Variants in FBXL2 observed in about 807,000 individuals in gnomAD.
FBXL2 encodes the protein F-box/LRR-repeat protein 2.
In FBXL2, 38 loss-of-function variants were observed where a neutral mutation model predicts 69.2. The ratio of observed to expected loss-of-function variants is 0.55; its 90% CI spans 0.42 to 0.72. The LOEUF is 0.72. Ranked by LOEUF, FBXL2 falls within the 30% of genes least tolerant of loss-of-function variation. The pLI, the probability that FBXL2 is intolerant of heterozygous loss-of-function variation, is 0.00. For synonymous variants in FBXL2, 192 were observed against 201.3 expected (o/e 0.95, Z 0.39); for missense variants, 354 against 520.3 (o/e 0.68, Z 3.11).
chr3:33,330,980 T>C (rs558084825), intron 2 of FBXL2, among the ~76,000 whole-genome samples: 2 of 150,718 alleles, frequency 1.3e-5, no homozygotes, highest in East Asian at 3.9e-4. Context: ...TTCTATGTTG[T>C]ATATATATAA....
chr3:33,403,261 A>G (rs1042272828), exon 13 of FBXL2: 6 of 234,426 alleles, frequency 2.6e-5, no homozygotes, highest in Non-Finnish European at 5.1e-5. Flanking sequence ...ATCAAGATTT[A>G]AGAATGGCGA....
chr3:33,368,868 G>T (rs557934732), intron 5 of FBXL2, among the ~76,000 whole-genome samples: 184 of 152,254 alleles, frequency 1.2e-3, no homozygotes, highest in African/African-American at 4.4e-3. Flanking sequence ...TTACAGGCGT[G>T]AGCCACCGTG....
At chr3:33,377,015 CAAAAACAAAACCA>C (rs2042684823) in intron 10 of FBXL2, among the ~76,000 whole-genome samples, 2 of 148,276 alleles carry the variant, frequency 1.3e-5, no homozygotes, top group Non-Finnish European at 3.0e-5. Flanking sequence ...CAAAACAAAA[CAAAAACAAAACCA>C]AAAAACAAAT....
the FBXL2 span, chr3:33,409,157 T>C: frequency 7.3e-7 from 1 of 1,368,502 alleles, no homozygotes; most frequent in African/African-American, 1.4e-5. Flanking sequence ...CCAACCCTTT[T>C]GTAGCAGAAC....
At position 33,326,674 on chromosome 3, in the gene FBXL2, G is replaced by A. The variant is rs371071561; in HGVS notation, c.65+28949G>A. Among the ~76,000 whole-genome samples, 16 of 151,754 alleles carry A rather than the reference G, an allele frequency of 1.1e-4. No individual in the cohort carries two copies. The East Asian group carries it at 2.3e-3, about 22-fold the overall frequency. ...TAAAATAATGGTTTTTTATTCAGCC[G>A]TGCACCTTGGTATATGAGCACAGGC... On this transcript the variant is annotated intron_variant, in intron 2 of 14. Transcript: ENST00000484457.
chr3:33,292,739 A>G lies in FBXL2; in HGVS notation c.4-4925A>G, dbSNP rs9848450. ...AGACACTGGCAGAATGGATAAAAAA[A>G]AAACAAGCAAAAAACTTCCCACATG... On this transcript the variant is annotated intron_variant, in intron 1 of 14. Transcript: ENST00000484457. 4.8e-3 allele frequency among the ~76,000 whole-genome samples: 735 copies of G among 152,292 alleles called. 8 individuals carry two copies. Among genetic ancestry groups the G allele is most frequent in the African/African-American group, 0.017 (710 of 41,568 alleles).
chr3:33,389,211 A>G (rs2043655190), downstream of FBXL2: 1 of 152,642 alleles, frequency 6.6e-6, no homozygotes, highest in Non-Finnish European at 1.5e-5. Flanking sequence ...GTGTATAAAA[A>G]GCCCCTAAAT....
intron 12 of FBXL2, among the ~76,000 whole-genome samples, chr3:33,401,359 T>C (rs2044222741): frequency 6.6e-6 from 1 of 152,094 alleles, no homozygotes; most frequent in Non-Finnish European, 1.5e-5. Flanking sequence ...GGAAAAAATA[T>C]GAAACATCAA....
chr3:33,330,224 A>AG (rs1184287659), intron 2 of FBXL2, among the ~76,000 whole-genome samples: 4 of 151,846 alleles, frequency 2.6e-5, no homozygotes, highest in Admixed American at 6.6e-5. Context: ...TTGAGGCTGC[A>AG]GTGAGCTGTG....
In FBXL2 at chr3:33,277,509, G is replaced by C. The variant is rs759255864; in HGVS notation, c.-4G>C. 1.5e-6 allele frequency: 2 copies of C among 1,301,042 alleles called. No homozygotes were observed. The highest frequency in any genetic ancestry group is 2.0e-6 in the Non-Finnish European group (2 of 1,015,782). 80.6% of individuals were successfully genotyped at this position (1,301,042 alleles called of 1,614,324 possible). ...GCTGTGGGCTCGCTCGCGGCTCTTCGGCCATGGTGAGTCTGGGACCCGCGT... is the reference window on the plus strand; with the variant it reads ...GCTGTGGGCTCGCTCGCGGCTCTTCCGCCATGGTGAGTCTGGGACCCGCGT... On this transcript the variant is annotated 5_prime_UTR_variant, in exon 1 of 15. Transcript: ENST00000484457.
At chr3:33,349,471 T>G (rs529930024) in intron 2 of FBXL2, among the ~76,000 whole-genome samples, 2 of 152,332 alleles carry the variant, frequency 1.3e-5, no homozygotes, top group East Asian at 3.9e-4. Context: ...TCATGATGAA[T>G]GATCATTTTA....
chr3:33,298,806 CCTAA>C (rs1414313181), intron 2 of FBXL2, among the ~76,000 whole-genome samples: 11 of 151,644 alleles, frequency 7.3e-5, no homozygotes, highest in Non-Finnish European at 1.0e-4. Context: ...TAGTCATTCC[CCTAA>C]CTGTTTCTCT....
intron 2 of FBXL2, among the ~76,000 whole-genome samples, chr3:33,337,621 C>T (rs1442091952): frequency 6.6e-6 from 1 of 152,152 alleles, no homozygotes; most frequent in African/African-American, 2.4e-5. Flanking sequence ...CCATAGCAAT[C>T]AGGCAAAAGA....
At chr3:33,312,722 T>C (rs545223709) in intron 2 of FBXL2, among the ~76,000 whole-genome samples, 3 of 152,304 alleles carry the variant, frequency 2.0e-5, no homozygotes, top group Admixed American at 2.0e-4. Context: ...TTATTTAACT[T>C]ACTTAACATA....
intron 2 of FBXL2, among the ~76,000 whole-genome samples, chr3:33,315,170 CCT>C (rs1385761882): frequency 3.3e-5 from 5 of 151,438 alleles, no homozygotes; most frequent in Admixed American, 2.0e-4. Context: ...CCCTCCCTTC[CCT>C]GTCTTTCATT....
the FBXL2 span, among the ~76,000 whole-genome samples, chr3:33,417,097 C>G: frequency 6.6e-6 from 1 of 152,196 alleles, no homozygotes; most frequent in Non-Finnish European, 1.5e-5. Flanking sequence ...ATTATGCTTG[C>G]ATTACCTAAG....
At chr3:33,303,837 AAAG>A (rs2036493662) in intron 2 of FBXL2, among the ~76,000 whole-genome samples, 1 of 152,042 alleles carries the variant, frequency 6.6e-6, no homozygotes, top group African/African-American at 2.4e-5. Context: ...GCCACTAACA[AAAG>A]AAGAAATACA....
At position 33,386,441 on chromosome 3, in the gene FBXL2, T is replaced by TAATC. The variant is rs1351753581; in HGVS notation, c.*837_*840dup. 1 of 152,176 alleles carries TAATC rather than the reference T, an allele frequency of 6.6e-6. No homozygotes were observed. The highest frequency in any genetic ancestry group is 1.5e-5 in the Non-Finnish European group (1 of 68,028). The allele number at this position is 152,176 out of a possible 1,614,324, so 9.4% of individuals were successfully genotyped here. A position where few individuals can be genotyped will look rare whatever the true frequency, so the allele number is the denominator to read the frequency against. Reference sequence around the variant, plus strand: ...ACTAAGGCTTAAGTTATCTGTAGTATAATCAATTAGAAGTAATGAATGGAT... The same window carrying TAATC: ...ACTAAGGCTTAAGTTATCTGTAGTATAATCAATCAATTAGAAGTAATGAATGGAT... On this transcript the variant is annotated 3_prime_UTR_variant, in exon 15 of 15. Coordinates refer to ENST00000484457, the MANE Select transcript of FBXL2 (RefSeq NM_012157.5).
At chr3:33,311,362 C>G (rs977670922) in intron 2 of FBXL2, among the ~76,000 whole-genome samples, 1 of 152,020 alleles carries the variant, frequency 6.6e-6, no homozygotes, top group African/African-American at 2.4e-5. Context: ...TCTACCCGCC[C>G]CCACTTTTCT....
Sources: gnomAD v4.1 joint callset for allele counts (sites outside exome capture counted in the v4.1 genomes callset) on GRCh38, gnomAD v4.1.1 for gene constraint, MANE v1.5 for transcripts, NCBI Gene and HGNC (gene_info 2026-07-23, HGNC 2026-07-21) for gene names.